The following CAMTA1 variants were observed in gnomAD, a reference collection of about 807,000 sequenced individuals.
CAMTA1 encodes the protein calmodulin binding transcription activator 1.
A neutral mutation model predicts 170.9 loss-of-function variants in CAMTA1; 27 were observed. The ratio of observed to expected loss-of-function variants is 0.16; its 90% CI spans 0.12 to 0.22. The LOEUF is 0.22. Ranked by LOEUF, CAMTA1 falls within the 10% of genes least tolerant of loss-of-function variation. The pLI, the probability that CAMTA1 is intolerant of heterozygous loss-of-function variation, is 1.00. For synonymous variants in CAMTA1, 833 were observed against 891.5 expected, an observed-to-expected ratio of 0.93 and a Z score of 1.17; for missense variants, 1,619 against 2,217.2, an observed-to-expected ratio of 0.73 and a Z score of 5.42.
At chr1:6,974,148 A>T (rs1264377639) in intron 3 of CAMTA1, among the ~76,000 whole-genome samples, 1 of 152,170 alleles carries the variant, frequency 6.6e-6, no homozygotes, top group Admixed American at 6.5e-5. Context: ...GGTTTGTAAT[A>T]TATTGTTCTC....
chr1:6,882,129 G>GA (rs1012382013), intron 3 of CAMTA1, among the ~76,000 whole-genome samples: 3 of 151,844 alleles, frequency 2.0e-5, no homozygotes, highest in African/African-American at 7.2e-5. Flanking sequence ...TTAAGTGGTT[G>GA]AAAAAAAATC....
intron 11 of CAMTA1, among the ~76,000 whole-genome samples, chr1:7,725,152 G>A (rs564153163): frequency 1.3e-5 from 2 of 152,320 alleles, no homozygotes; most frequent in South Asian, 2.1e-4. Context: ...TTTTTGTCCG[G>A]GGATTTACAT....
chr1:7,670,202 C>A (rs991570512), intron 9 of CAMTA1, among the ~76,000 whole-genome samples: 3 of 152,134 alleles, frequency 2.0e-5, no homozygotes, highest in Admixed American at 2.0e-4. Context: ...ACTCAAGGAC[C>A]TTTGATAGCA....
At chr1:7,369,657 G>A (rs942799652) in intron 5 of CAMTA1, among the ~76,000 whole-genome samples, 5 of 151,960 alleles carry the variant, frequency 3.3e-5, no homozygotes, top group Middle Eastern at 3.4e-3. Context: ...CAGGAAGCTC[G>A]CTGGGCCTTG....
At chr1:7,380,554 A>G (rs146029238) in intron 5 of CAMTA1, among the ~76,000 whole-genome samples, 2,083 of 152,308 alleles carry the variant, frequency 0.014, 50 homozygotes, top group African/African-American at 0.047. Context: ...AGCCTGGGCA[A>G]CAAGAGCGAA....
intron 4 of CAMTA1, among the ~76,000 whole-genome samples, chr1:7,097,416 C>T (rs1408231622): frequency 2.6e-5 from 4 of 152,184 alleles, no homozygotes; most frequent in South Asian, 2.1e-4. Flanking sequence ...CTTGGGGTCC[C>T]GGCATGGTGC....
chr1:7,037,217 C>T (rs1490221167), intron 3 of CAMTA1, among the ~76,000 whole-genome samples: 1 of 152,184 alleles, frequency 6.6e-6, no homozygotes, highest in Non-Finnish European at 1.5e-5. Flanking sequence ...AGGTAGAATG[C>T]TTGAGATTGC....
At position 7,044,886 on chromosome 1, in the gene CAMTA1, G is replaced by A. The variant is rs1214899644; in HGVS notation, c.235-46418G>A. The stretch of plus-strand genomic sequence containing the variant: ...TGCCTCCTCTCCCCATTAACATCCC[G>A]CCATTTTGATTAAAAAAAAAAATCC... On this transcript the variant is annotated intron_variant, in intron 3 of 22. Transcript: ENST00000303635. The surrounding 1 kb of genome is among the most constrained non-coding windows in gnomAD (Gnocchi z 5.0). Among the ~76,000 whole-genome samples, 1 of 83,514 alleles carries A rather than the reference G, an allele frequency of 1.2e-5. No homozygotes were observed. The highest frequency in any genetic ancestry group is 6.1e-5 in the African/African-American group (1 of 16,484). 54.8% of individuals were successfully genotyped at this position (83,514 alleles called of 152,430 possible).
intron 6 of CAMTA1, among the ~76,000 whole-genome samples, chr1:7,505,376 G>A (rs919811519): frequency 1.3e-5 from 2 of 152,170 alleles, no homozygotes; most frequent in African/African-American, 4.8e-5. Flanking sequence ...GTGCTGGGAC[G>A]TGGGCGTCTA....
chr1:7,216,763 G>A lies in CAMTA1; in HGVS notation c.303-32728G>A, dbSNP rs1659818728. ...TGACTTCAAGTGATCCACCATTCTTGGCCTCCCAAATTGCTGGGTGTGAGC... is the reference window on the plus strand; with the variant it reads ...TGACTTCAAGTGATCCACCATTCTTAGCCTCCCAAATTGCTGGGTGTGAGC... On this transcript the variant is annotated intron_variant, in intron 4 of 22. Coordinates refer to ENST00000303635, the MANE Select transcript of CAMTA1 (RefSeq NM_015215.4). This position sits in a 1 kb window ranked among gnomAD's most constrained non-coding sequence, Gnocchi z 4.0. Among the ~76,000 whole-genome samples the A allele has an allele frequency of 6.6e-6, 1 of 152,006 alleles. No homozygotes were observed. Among genetic ancestry groups the A allele is most frequent in the Non-Finnish European group, 1.5e-5 (1 of 67,990 alleles).
intron 3 of CAMTA1, among the ~76,000 whole-genome samples, chr1:7,022,272 T>C (rs1701463100): frequency 6.6e-6 from 1 of 152,166 alleles, no homozygotes; most frequent in African/African-American, 2.4e-5. Flanking sequence ...CAGGGTACCT[T>C]TGATGCTGGG....
Position 7,664,037 on chromosome 1 carries a change from C to A in CAMTA1, c.1490C>A (p.Thr497Lys). Residue 497 changes from threonine (T) to lysine (K), a missense_variant, in exon 9 of 23, where the codon ACG (threonine) becomes AAG (lysine). This residue lies in a region of CAMTA1 where 731 missense variants were observed against 907.6 expected (regional missense o/e 0.81). Transcript: ENST00000303635. ...CTTAATAACCCAAAGCAGGGCCAGA[C>A]GTACGGGGGTGGAGGCCTGAAAGCC... Reference protein sequence around the residue: ...CFLNNPKQGQTYGGGGLKAEM... With the variant: ...CFLNNPKQGQKYGGGGLKAEM... The A allele has an allele frequency of 1.2e-6, 2 of 1,613,930 alleles. No homozygotes were observed. Among genetic ancestry groups the A allele is most frequent in the Non-Finnish European group, 1.7e-6 (2 of 1,180,042 alleles).
chr1:6,968,392 A>G (rs1190221156), intron 3 of CAMTA1, among the ~76,000 whole-genome samples: 1 of 152,068 alleles, frequency 6.6e-6, no homozygotes, highest in Non-Finnish European at 1.5e-5. Context: ...CACGGTGGAG[A>G]TACCGCCAGA....
In CAMTA1 at chr1:7,195,255, G is replaced by A. The variant is rs918061297; in HGVS notation, c.303-54236G>A. The stretch of plus-strand genomic sequence containing the variant: ...CAGCTCCCACGTTCTCACACCATTC[G>A]ACATTTGGGGTGACCAAGTCATGCA... On this transcript the variant is annotated intron_variant, in intron 4 of 22. Coordinates refer to ENST00000303635, the MANE Select transcript of CAMTA1 (RefSeq NM_015215.4). The surrounding 1 kb of genome is among the most constrained non-coding windows in gnomAD (Gnocchi z 4.1). Among the ~76,000 whole-genome samples the A allele has an allele frequency of 2.0e-5, 3 of 152,312 alleles. No homozygotes were observed. The highest frequency in any genetic ancestry group is 7.2e-5 in the African/African-American group (3 of 41,566).
intron 5 of CAMTA1, among the ~76,000 whole-genome samples, chr1:7,366,046 C>T (rs940844547): frequency 1.4e-4 from 21 of 152,222 alleles, no homozygotes; most frequent in Admixed American, 7.9e-4. Flanking sequence ...GCTCCTTTCT[C>T]CTCCTCTGGG....
chr1:7,172,373 C>T (rs1649821353), intron 4 of CAMTA1, among the ~76,000 whole-genome samples: 1 of 152,220 alleles, frequency 6.6e-6, no homozygotes, highest in Non-Finnish European at 1.5e-5. Flanking sequence ...TGCTCTTGGA[C>T]TCCTGAGCTC....
chr1:7,702,781 G>A (rs977426208), intron 11 of CAMTA1, among the ~76,000 whole-genome samples: 1 of 152,114 alleles, frequency 6.6e-6, no homozygotes, highest in East Asian at 1.9e-4. Context: ...CCAGTGCCCA[G>A]GTCGAGATTA....
intron 5 of CAMTA1, among the ~76,000 whole-genome samples, chr1:7,410,758 C>T (rs912013903): frequency 7.9e-5 from 12 of 152,256 alleles, no homozygotes; most frequent in Admixed American, 2.6e-4. Flanking sequence ...AGCTTGCAGG[C>T]GCTTTAATGC....
At chr1:7,265,159 G>A (rs867423606) in intron 5 of CAMTA1, among the ~76,000 whole-genome samples, 1 of 152,110 alleles carries the variant, frequency 6.6e-6, no homozygotes, top group Non-Finnish European at 1.5e-5. Flanking sequence ...CAGGTGAACT[G>A]TTCCTGCGCT....
Sources: gnomAD v4.1 joint callset for allele counts (sites outside exome capture counted in the v4.1 genomes callset) on GRCh38, gnomAD v4.1.1 for gene constraint, gnomAD v4.1.1 regional missense constraint, Gnocchi (gnomAD v3.1) non-coding constraint, MANE v1.5 for transcripts, NCBI Gene and HGNC (gene_info 2026-07-23, HGNC 2026-07-21) for gene names.